KCNIP1: variants seen among roughly 807,000 people sequenced by gnomAD.
KCNIP1 encodes the protein potassium voltage-gated channel interacting protein 1, also known as A-type potassium channel modulatory protein KCNIP1.
In KCNIP1, 18 loss-of-function variants were observed where a neutral mutation model predicts 33.0. That is an observed-to-expected ratio of 0.55 (90% CI 0.38 to 0.81). KCNIP1 has a LOEUF of 0.81. Ranked by LOEUF, KCNIP1 falls within the 30% of genes least tolerant of loss-of-function variation. The probability of loss-of-function intolerance (pLI) is 0.00; values close to 1 mark genes in which losing one functional copy is unlikely to be tolerated. For missense variants in KCNIP1, 238 were observed against 271.6 expected (o/e 0.88, Z 0.87); for synonymous variants, 93 against 98.3 (o/e 0.95, Z 0.32).
At chr5:170,714,180 G>A (rs1373051764) in intron 1 of KCNIP1, among the ~76,000 whole-genome samples, 1 of 152,200 alleles carries the variant, frequency 6.6e-6, no homozygotes, top group Non-Finnish European at 1.5e-5. Context: ...CAAGGTGTGA[G>A]TCCTCCCACT....
At chr5:170,710,369 T>C (rs1763403803) in intron 1 of KCNIP1, among the ~76,000 whole-genome samples, 1 of 152,296 alleles carries the variant, frequency 6.6e-6, no homozygotes, top group African/African-American at 2.4e-5. Flanking sequence ...GGTGGAATTA[T>C]CTAGCTTTTT....
chr5:170,561,058 T>C, intron 1 of KCNIP1: 1 of 455,054 alleles, frequency 2.2e-6, no homozygotes, highest in East Asian at 6.9e-5. Flanking sequence ...GCCTCCTGGC[T>C]GGTGCGTGGC....
chr5:170,689,464 G>C (rs1762649393), intron 1 of KCNIP1, among the ~76,000 whole-genome samples: 1 of 152,190 alleles, frequency 6.6e-6, no homozygotes, highest in Non-Finnish European at 1.5e-5. Context: ...CTGAGGCTTA[G>C]GGAGGTCAAA....
chr5:170,384,784 T>C (rs534403659), intron 1 of KCNIP1, among the ~76,000 whole-genome samples: 1 of 152,350 alleles, frequency 6.6e-6, no homozygotes, highest in South Asian at 2.1e-4. Flanking sequence ...GACCATTCTC[T>C]GAGATTCCTG....
At chr5:170,388,104 G>A (rs1764559583) in intron 1 of KCNIP1, among the ~76,000 whole-genome samples, 1 of 152,224 alleles carries the variant, frequency 6.6e-6, no homozygotes, top group Non-Finnish European at 1.5e-5. Flanking sequence ...TGAGGCTGGT[G>A]AAGGCAGGAA....
intron 1 of KCNIP1, among the ~76,000 whole-genome samples, chr5:170,533,620 A>G (rs1454758358): frequency 6.6e-6 from 1 of 152,178 alleles, no homozygotes; most frequent in Non-Finnish European, 1.5e-5. Context: ...TGGATCAGTC[A>G]CTCAACACCG....
intron 1 of KCNIP1, among the ~76,000 whole-genome samples, chr5:170,355,285 GGGT>G (rs1763316266): frequency 6.6e-6 from 1 of 152,238 alleles, no homozygotes; most frequent in Non-Finnish European, 1.5e-5. Context: ...GGAGGTTAAT[GGGT>G]ATAGCTGTGA....
intron 1 of KCNIP1, among the ~76,000 whole-genome samples, chr5:170,663,331 T>A (rs1030883888): frequency 6.6e-6 from 1 of 152,142 alleles, no homozygotes; most frequent in Non-Finnish European, 1.5e-5. Context: ...CGGAGTCCCA[T>A]AGACAGAGGC....
chr5:170,391,925 C>T (rs1754606286), intron 1 of KCNIP1, among the ~76,000 whole-genome samples: 1 of 152,204 alleles, frequency 6.6e-6, no homozygotes, highest in South Asian at 2.1e-4. Context: ...GCCCTTTTCA[C>T]AGTGTGGCAT....
chr5:170,512,845 A>C (rs1001292646), intron 1 of KCNIP1, among the ~76,000 whole-genome samples: 2 of 152,066 alleles, frequency 1.3e-5, no homozygotes, highest in Non-Finnish European at 2.9e-5. Context: ...GTCAGGAGAT[A>C]GAGACCATCC....
At chr5:170,485,540 C>CAGG (rs1757070818) in intron 1 of KCNIP1, among the ~76,000 whole-genome samples, 1 of 152,154 alleles carries the variant, frequency 6.6e-6, no homozygotes, top group African/African-American at 2.4e-5. Flanking sequence ...ATTCATAAAC[C>CAGG]CTATTCTGCG....
intron 1 of KCNIP1, chr5:170,482,963 C>A (rs1757007316): frequency 4.9e-6 from 2 of 407,524 alleles, no homozygotes; most frequent in African/African-American, 2.1e-5. Flanking sequence ...TAGGTCATGA[C>A]TAGATTCCAT....
chr5:170,429,657 A>C, intron 1 of KCNIP1, among the ~76,000 whole-genome samples: 1 of 151,224 alleles, frequency 6.6e-6, no homozygotes, highest in East Asian at 1.9e-4. Flanking sequence ...CTATTATCCC[A>C]CTCTCTACAT....
At chr5:170,430,606 G>A (rs1755718806) in intron 1 of KCNIP1, among the ~76,000 whole-genome samples, 1 of 152,136 alleles carries the variant, frequency 6.6e-6, no homozygotes, top group Admixed American at 6.5e-5. Context: ...ATTCCCAAAC[G>A]TTCATCTGTC....
intron 1 of KCNIP1, among the ~76,000 whole-genome samples, chr5:170,581,436 C>T (rs1217800923): frequency 6.6e-6 from 1 of 152,196 alleles, no homozygotes; most frequent in Non-Finnish European, 1.5e-5. Context: ...CTTCATGTGC[C>T]AGCTTTTAAT....
Position 170,720,402 on chromosome 5 carries a change from C to A in KCNIP1, c.256+12C>A. ...TTTCCCTCATGGAGGTGAGTCTGACCTTGAAATCTATCTTGCCCAGCTCCC... is the reference window on the plus strand; with the variant it reads ...TTTCCCTCATGGAGGTGAGTCTGACATTGAAATCTATCTTGCCCAGCTCCC... On this transcript the variant is annotated intron_variant, in intron 3 of 7. Coordinates refer to ENST00000328939, the MANE Select transcript of KCNIP1 (RefSeq NM_014592.4). 1 of 1,604,918 alleles carries A rather than the reference C, an allele frequency of 6.2e-7. No individual in the cohort carries two copies. Among genetic ancestry groups the A allele is most frequent in the Non-Finnish European group, 8.5e-7 (1 of 1,171,600 alleles).
intron 1 of KCNIP1, among the ~76,000 whole-genome samples, chr5:170,507,477 G>A (rs1211569852): frequency 6.6e-6 from 1 of 152,154 alleles, no homozygotes; most frequent in East Asian, 1.9e-4. Flanking sequence ...CATTTTCGAA[G>A]TAGGCAGTAC....
intron 5 of KCNIP1, 35 bp from the exon 6 acceptor site, chr5:170,732,765 T>C: frequency 1.4e-6 from 2 of 1,425,356 alleles, no homozygotes; most frequent in Middle Eastern, 1.8e-4. Flanking sequence ...GACCTCATGG[T>C]TTCCACACTG....
At chr5:170,669,670 T>C in intron 1 of KCNIP1, 2 of 984,906 alleles carry the variant, frequency 2.0e-6, no homozygotes, top group Non-Finnish European at 2.4e-6. Context: ...GGTATGAAGG[T>C]TTGGCTTTAA....
Sources: allele counts gnomAD v4.1 joint callset (sites outside exome capture counted in the v4.1 genomes callset), GRCh38; gene constraint gnomAD v4.1.1; transcripts MANE v1.5; gene names NCBI Gene and HGNC (gene_info 2026-07-23, HGNC 2026-07-21).